Variants in TSPAN15 observed in about 807,000 individuals in gnomAD.
TSPAN15 encodes tetraspanin 15.
Under a neutral mutation model 34.5 loss-of-function variants are expected in TSPAN15, and 20 were observed. The ratio of observed to expected loss-of-function variants is 0.58; its 90% CI spans 0.41 to 0.84. The LOEUF (loss-of-function observed/expected upper bound fraction) is 0.84, where lower values mean the gene tolerates loss of function less well. Ranked by LOEUF, TSPAN15 falls within the 40% of genes least tolerant of loss-of-function variation. The pLI is 0.00. For synonymous variants in TSPAN15, 155 were observed against 153.9 expected, an observed-to-expected ratio of 1.01 and a Z score of -0.05; for missense variants, 313 against 386.1, an observed-to-expected ratio of 0.81 and a Z score of 1.59.
the TSPAN15 span, among the ~76,000 whole-genome samples, chr10:69,530,810 CTCTCTCT>C: frequency 1.5e-5 from 1 of 68,642 alleles, no homozygotes; most frequent in African/African-American, 5.7e-5. Flanking sequence ...CTCTCTCTCT[CTCTCTCT>C]CTCTATATAT....
At chr10:69,492,605 C>T (rs1416794644) in intron 3 of TSPAN15, among the ~76,000 whole-genome samples, 1 of 152,172 alleles carries the variant, frequency 6.6e-6, no homozygotes, top group African/African-American at 2.4e-5. Flanking sequence ...TTTTCCAGGC[C>T]CCTCTCGAAG....
At chr10:69,541,468 C>T in the TSPAN15 span, among the ~76,000 whole-genome samples, 1 of 152,174 alleles carries the variant, frequency 6.6e-6, no homozygotes, top group Non-Finnish European at 1.5e-5. Flanking sequence ...GTCCGAAATC[C>T]CATAGACTTG....
intron 5 of TSPAN15, among the ~76,000 whole-genome samples, chr10:69,500,708 C>T (rs1006925538): frequency 5.9e-5 from 9 of 152,194 alleles, no homozygotes; most frequent in Admixed American, 2.0e-4. Context: ...TGGGCAGGGC[C>T]ATCTGCTTTA....
At chr10:69,533,464 A>G in the TSPAN15 span, among the ~76,000 whole-genome samples, 1 of 152,190 alleles carries the variant, frequency 6.6e-6, no homozygotes, top group African/African-American at 2.4e-5. Context: ...GAGCCAAGCT[A>G]TGAGGACACA....
At chr10:69,513,158 G>A in the TSPAN15 span, among the ~76,000 whole-genome samples, 2 of 152,110 alleles carry the variant, frequency 1.3e-5, no homozygotes, top group Non-Finnish European at 2.9e-5. Context: ...TTGTGGTTTT[G>A]ATTTGCATTT....
At chr10:69,485,348 G>C (rs1262011830) in intron 3 of TSPAN15, 133 bp downstream of exon 3, 1 of 791,512 alleles carries the variant, frequency 1.3e-6, no homozygotes, top group Non-Finnish European at 2.2e-6. Flanking sequence ...GAAAGAGAAT[G>C]ACAGGCACTG....
At chr10:69,456,518 G>C (rs1236717067) in intron 1 of TSPAN15, among the ~76,000 whole-genome samples, 1 of 151,978 alleles carries the variant, frequency 6.6e-6, no homozygotes, top group Non-Finnish European at 1.5e-5. Context: ...TTTAAAAGGA[G>C]GCTTTATATC....
intron 3 of TSPAN15, 72 bp from the exon 4 acceptor site, chr10:69,495,522 C>G: frequency 8.7e-7 from 1 of 1,145,790 alleles, no homozygotes; most frequent in Non-Finnish European, 1.3e-6. Context: ...CCCATCCAGG[C>G]TTCTGGAAAA....
chr10:69,508,599 G>T (rs114411563), downstream of TSPAN15, among the ~76,000 whole-genome samples: 589 of 152,210 alleles, frequency 3.9e-3, 3 homozygotes, highest in African/African-American at 0.014. Flanking sequence ...TGTAAGAAGG[G>T]GCAGGAGGAG....
the TSPAN15 span, among the ~76,000 whole-genome samples, chr10:69,541,150 T>C: frequency 6.6e-6 from 1 of 152,256 alleles, no homozygotes; most frequent in East Asian, 1.9e-4. Context: ...CATTGCCATG[T>C]CAATCAGACA....
At chr10:69,527,318 G>A in the TSPAN15 span, among the ~76,000 whole-genome samples, 4 of 147,598 alleles carry the variant, frequency 2.7e-5, no homozygotes, top group Non-Finnish European at 4.5e-5. Flanking sequence ...AAAGTTGGCC[G>A]GGCACAGTGG....
chr10:69,506,108 G>C lies in TSPAN15; in HGVS notation c.619-16G>C, dbSNP rs778815903. ...CGAGGTCCTCTGCTGGGCTGACCCA[G>C]CTCCTTCCCATGCAGCGTTTCAGTG... On this transcript the variant is annotated splice_polypyrimidine_tract_variant and intron_variant, in intron 6 of 7. Coordinates refer to ENST00000373290, the MANE Select transcript of TSPAN15 (RefSeq NM_012339.5). The surrounding 1 kb of genome is among the most constrained non-coding windows in gnomAD (Gnocchi z 4.7). 1.9e-6 allele frequency: 3 copies of C among 1,611,514 alleles called. No individual in the cohort carries two copies. The highest frequency in any genetic ancestry group is 2.5e-6 in the Non-Finnish European group (3 of 1,178,008).
At chr10:69,458,677 C>T (rs1214626081) in intron 1 of TSPAN15, among the ~76,000 whole-genome samples, 2 of 152,132 alleles carry the variant, frequency 1.3e-5, no homozygotes, top group African/African-American at 2.4e-5. Flanking sequence ...TCCCCTCCCC[C>T]AGTCTGGCCA....
At position 69,489,665 on chromosome 10, in the gene TSPAN15, C is replaced by T. The variant is rs573609911; in HGVS notation, c.357+4450C>T. Among the ~76,000 whole-genome samples the T allele has an allele frequency of 2.0e-5, 3 of 152,330 alleles. No homozygotes were observed. In the South Asian group the frequency reaches 6.2e-4, roughly 32 times the overall value. ...CCAGGCATTGAAAGCTAAACAGACTCCTGGATATAAGGAGGAAACTCCCCC... is the reference window on the plus strand; with the variant it reads ...CCAGGCATTGAAAGCTAAACAGACTTCTGGATATAAGGAGGAAACTCCCCC... On this transcript the variant is annotated intron_variant, in intron 3 of 7. Transcript: ENST00000373290.
In TSPAN15 at chr10:69,507,056, G is replaced by A; in HGVS notation, c.*78G>A. On this transcript the variant is annotated 3_prime_UTR_variant, in exon 8 of 8. Transcript: ENST00000373290. ...CAGTCAACATCGTGGGGCTGGACAG[G>A]GCTGCGGCCCCTCTGCCCACACTCA... 6.4e-7 allele frequency: 1 copy of A among 1,555,840 alleles called. No individual in the cohort carries two copies. The highest frequency in any genetic ancestry group is 8.7e-7 in the Non-Finnish European group (1 of 1,152,054).
At chr10:69,543,173 T>C in the TSPAN15 span, among the ~76,000 whole-genome samples, 156 of 152,280 alleles carry the variant, frequency 1.0e-3, no homozygotes, top group African/African-American at 3.6e-3. Flanking sequence ...GAAGAATGCA[T>C]TCGTCTGTGG....
At chr10:69,549,502 T>C in the TSPAN15 span, among the ~76,000 whole-genome samples, 1 of 152,250 alleles carries the variant, frequency 6.6e-6, no homozygotes, top group East Asian at 1.9e-4. Flanking sequence ...TTTTTCTTTC[T>C]GATAAACTGG....
the TSPAN15 span, among the ~76,000 whole-genome samples, chr10:69,533,072 C>T: frequency 5.3e-5 from 8 of 152,176 alleles, no homozygotes; most frequent in African/African-American, 1.9e-4. Context: ...TTCTCTACTG[C>T]TGGTGGGAAT....
chr10:69,479,138 GGAACACAACA>G (rs1168120952), intron 1 of TSPAN15, among the ~76,000 whole-genome samples: 2 of 152,246 alleles, frequency 1.3e-5, no homozygotes, highest in Non-Finnish European at 2.9e-5. Context: ...TACAGGGCCT[GGAACACAACA>G]GAGCCTAGTA....
Sources: allele counts gnomAD v4.1 joint callset (sites outside exome capture counted in the v4.1 genomes callset), GRCh38; gene constraint gnomAD v4.1.1; non-coding constraint Gnocchi (gnomAD v3.1); transcripts MANE v1.5; gene names NCBI Gene and HGNC (gene_info 2026-07-23, HGNC 2026-07-21).